The following VSIG2 variants were observed in gnomAD, a reference collection of about 807,000 sequenced individuals.
VSIG2 encodes V-set and immunoglobulin domain containing 2, also known as V-set and immunoglobulin domain-containing protein 2.
VSIG2 carries 30 observed loss-of-function variants against 29.4 expected under a neutral mutation model. The ratio of observed to expected loss-of-function variants is 1.02; its 90% CI spans 0.76 to 1.38. The LOEUF is 1.38. Ranked by LOEUF, VSIG2 falls within the 40% of genes most tolerant of loss-of-function variation. VSIG2 has a pLI of 0.00. For synonymous variants in VSIG2, 178 were observed against 174.2 expected (o/e 1.02, Z -0.17); for missense variants, 421 against 400.8 (o/e 1.05, Z -0.43).
rs1324201557 is a variant in VSIG2 at position 124,751,537 on chromosome 11, C to T, written c.105G>A (p.Thr35=). ...TCAGCTCGGCTGTCTTCCCCAGGGG[C>T]GTGCTCAGCGGCTCTGTGGGTACCT... The part of the protein sequence containing the change: ...EVKVPTEPLS[T]PLGKTAELTC... Residue 35 remains threonine, a synonymous_variant, in exon 2 of 7, where the codon ACG becomes ACA. Transcript: ENST00000326621. 1.2e-6 allele frequency: 2 copies of T among 1,610,910 alleles called. No homozygotes were observed. The highest frequency in any genetic ancestry group is 1.3e-5 in the African/African-American group (1 of 75,042).
At chr11:124,750,141 A>G (rs1240974629) in intron 3 of VSIG2, among the ~76,000 whole-genome samples, 1 of 152,218 alleles carries the variant, frequency 6.6e-6, no homozygotes, top group Non-Finnish European at 1.5e-5. Flanking sequence ...TGGGCCCACA[A>G]AGAGAAATTA....
At position 124,748,727 on chromosome 11, in the gene VSIG2, G is replaced by C; in HGVS notation, c.623C>G (p.Ser208Cys). 8.1e-6 allele frequency: 13 copies of C among 1,614,234 alleles called. No homozygotes were observed. Among genetic ancestry groups the C allele is most frequent in the Non-Finnish European group, 1.1e-5 (13 of 1,180,046 alleles). The change falls in exon 5 of 7, where the codon TCC becomes TGC. Residue 208 changes from serine to cysteine, a missense_variant. Ser to Cys is a moderately radical substitution (Grantham distance 112). Coordinates refer to ENST00000326621, the MANE Select transcript of VSIG2 (RefSeq NM_014312.5). ...GCGGTAGGTGCCCGAGGAGGTCAGG[G>C]AGAGGTTGGTGAGAATGAGCTGGCC... is the stretch of plus-strand genomic sequence containing the variant. ...VSGQLILTNLSLTSSGTYRCV... is the reference protein window; with the variant it reads ...VSGQLILTNLCLTSSGTYRCV...
chr11:124,747,505 C>A lies in VSIG2; in HGVS notation c.*30G>T. The A allele has an allele frequency of 6.3e-7, 1 of 1,587,868 alleles. No individual in the cohort carries two copies. Among genetic ancestry groups the A allele is most frequent in the African/African-American group, 1.4e-5 (1 of 73,274 alleles). ...CCACAGACTTTAATTATTGATATTC[C>A]CCCTCACCGCCCTCAGGGATCGGGA... On this transcript the variant is annotated 3_prime_UTR_variant, in exon 7 of 7. Transcript: ENST00000326621.
rs1204046147 is a variant in VSIG2 at position 124,749,930 on chromosome 11, C to T, written c.428-64G>A. The stretch of plus-strand genomic sequence containing the variant: ...CCTCAGCAATCTTCCAGCCCCACTC[C>T]CAACTCCATTAGGTGCTACATTCTC... On this transcript the variant is annotated intron_variant, in intron 3 of 6. Transcript: ENST00000326621. The T allele has an allele frequency of 4.8e-6, 7 of 1,456,898 alleles. No individual in the cohort carries two copies. In the Admixed American group the frequency reaches 1.8e-4, roughly 37 times the overall value. 90.2% of individuals were successfully genotyped at this position (1,456,898 alleles called of 1,614,324 possible). A position where few individuals can be genotyped will look rare whatever the true frequency, so the allele number is the denominator to read the frequency against.
chr11:124,751,536 G>T lies in VSIG2; in HGVS notation c.106C>A (p.Pro36Thr). 6.2e-7 allele frequency: 1 copy of T among 1,611,070 alleles called. No homozygotes were observed. The highest frequency in any genetic ancestry group is 8.5e-7 in the Non-Finnish European group (1 of 1,179,628). ...GTCAGCTCGGCTGTCTTCCCCAGGG[G>T]CGTGCTCAGCGGCTCTGTGGGTACC... ...VKVPTEPLSTPLGKTAELTCT... is the reference protein window; with the variant it reads ...VKVPTEPLSTTLGKTAELTCT... Residue 36 changes from proline (P) to threonine (T), a missense_variant, in exon 2 of 7, where the codon CCC (proline) becomes ACC (threonine). Transcript: ENST00000326621.
intron 6 of VSIG2, 55 bp from the exon 7 acceptor site, chr11:124,747,722 G>T (rs934651013): frequency 7.0e-6 from 11 of 1,568,190 alleles, no homozygotes; most frequent in African/African-American, 1.4e-5. Flanking sequence ...GCGGAGGAGG[G>T]CCGTCCTCTA....
chr11:124,747,714 G>A (rs2134449260), intron 6 of VSIG2, 47 bp from the exon 7 acceptor site: 2 of 1,587,442 alleles, frequency 1.3e-6, no homozygotes, highest in East Asian at 2.3e-5. Context: ...AGCCTCCTGC[G>A]GAGGAGGGCC....
At chr11:124,750,644 A>G in intron 3 of VSIG2, 70 bp downstream of exon 3, 3 of 1,521,910 alleles carry the variant, frequency 2.0e-6, no homozygotes, top group Middle Eastern at 2.3e-4. Flanking sequence ...CCAGAGATTT[A>G]GCAAGACCAG....
In VSIG2 at chr11:124,748,440, C is replaced by G. The variant is rs1212909875; in HGVS notation, c.801G>C (p.Gln267His). ...CCTTGGGCTTCTTCCCCCTCTCTTT[C>G]TGGAACCTGACCAGGCAGAACGCAG... ...SVAAFCLVRF[Q>H]KERGKKPKET... Residue 267 changes from glutamine (Q) to histidine (H), a missense_variant, in exon 6 of 7, where the codon CAG becomes CAC. Physicochemically the swap from Gln to His is conservative, Grantham distance 24 (BLOSUM62 0). Transcript: ENST00000326621. The G allele has an allele frequency of 6.2e-7, 1 of 1,614,146 alleles. No individual in the cohort carries two copies. The highest frequency in any genetic ancestry group is 8.5e-7 in the Non-Finnish European group (1 of 1,180,036).
Position 124,748,646 on chromosome 11 carries a change from G to A in VSIG2, c.704C>T (p.Thr235Ile), listed in dbSNP as rs560008973. ...TGGCCTCCACCCAGCATCCCTACCG[G>A]TCACAGAGAGGGTCAGCTCACAGGA... ...SASCELTLSVTEPSQGRVAGA... is the reference protein window; with the variant it reads ...SASCELTLSVIEPSQGRVAGA... The change falls in exon 5 of 7, where the codon ACC (threonine) becomes ATC (isoleucine). Residue 235 changes from threonine to isoleucine, a missense_variant and splice_region_variant. Thr to Ile is a moderately conservative substitution (Grantham distance 89). Coordinates refer to ENST00000326621, the MANE Select transcript of VSIG2 (RefSeq NM_014312.5). The A allele has an allele frequency of 5.0e-5, 81 of 1,612,726 alleles. No homozygotes were observed. The East Asian group carries it at 1.7e-3, about 34-fold the overall frequency.
In VSIG2 at chr11:124,749,882, A is replaced by AAACAAAAAAAAAAC; in HGVS notation, c.428-17_428-16insGTTTTTTTTTTGTT. The AAACAAAAAAAAAAC allele has an allele frequency of 6.6e-7, 1 of 1,514,508 alleles. No individual in the cohort carries two copies. The highest frequency in any genetic ancestry group is 2.2e-5 in the Admixed American group (1 of 45,892). The allele number at this position is 1,514,508 out of a possible 1,614,324, so 93.8% of individuals were successfully genotyped here. A position where few individuals can be genotyped will look rare whatever the true frequency, so the allele number is the denominator to read the frequency against. ...CTGGGGGGAACTGCAAAAAAAAAAAAAAAAAAAAAAAAACAGAAAGTTCCT... is the reference window on the plus strand; with the variant it reads ...CTGGGGGGAACTGCAAAAAAAAAAAAAACAAAAAAAAAACAAAAAAAAAAAAACAGAAAGTTCCT... On this transcript the variant is annotated splice_polypyrimidine_tract_variant and intron_variant, in intron 3 of 6. Transcript: ENST00000326621.
chr11:124,749,393 G>C (rs527479879), intron 4 of VSIG2, among the ~76,000 whole-genome samples: 1 of 152,104 alleles, frequency 6.6e-6, no homozygotes, highest in Non-Finnish European at 1.5e-5. Context: ...AGTGGTCCAC[G>C]ACCCTTAGGA....
intron 4 of VSIG2, 123 bp from the exon 5 acceptor site, chr11:124,748,886 G>A (rs753458637): frequency 2.9e-5 from 41 of 1,424,114 alleles, no homozygotes; most frequent in African/African-American, 4.2e-5. Context: ...TTTTTTCACT[G>A]GGGAGGAAAC....
chr11:124,749,538 G>A (rs1405826845), intron 4 of VSIG2, among the ~76,000 whole-genome samples, 170 bp downstream of exon 4: 1 of 152,174 alleles, frequency 6.6e-6, no homozygotes, highest in African/African-American at 2.4e-5. Flanking sequence ...ACAGACTGCA[G>A]AAAGACAGGC....
In VSIG2 at chr11:124,748,710, T is replaced by C. The variant is rs766884202; in HGVS notation, c.640A>G (p.Thr214Ala). 2.5e-5 allele frequency: 41 copies of C among 1,613,912 alleles called. No homozygotes were observed. The highest frequency in any genetic ancestry group is 3.4e-5 in the Non-Finnish European group (40 of 1,180,016). Residue 214 changes from threonine to alanine, a missense_variant, in exon 5 of 7, where the codon ACC becomes GCC. Physicochemically the swap from Thr to Ala is moderately conservative, Grantham distance 58. Coordinates refer to ENST00000326621, the MANE Select transcript of VSIG2 (RefSeq NM_014312.5). ...LTNLSLTSSG[T>A]YRCVATNQMG... ...TGGTTGGTGGCCACACAGCGGTAGG[T>C]GCCCGAGGAGGTCAGGGAGAGGTTG...
intron 4 of VSIG2, among the ~76,000 whole-genome samples, chr11:124,749,050 CG>C (rs577538623): frequency 1.2e-3 from 177 of 152,168 alleles, no homozygotes; most frequent in African/African-American, 3.9e-3. Context: ...GCAATGGAGT[CG>C]GGGTGGGGTG....
At position 124,752,165 on chromosome 11, in the gene VSIG2, C is replaced by T. The variant is rs191807061; in HGVS notation, c.-28G>A. 1.4e-5 allele frequency: 22 copies of T among 1,547,552 alleles called. No homozygotes were observed. The East Asian group carries it at 5.2e-4, about 36-fold the overall frequency. On this transcript the variant is annotated 5_prime_UTR_variant, in exon 1 of 7. Coordinates refer to ENST00000326621, the MANE Select transcript of VSIG2 (RefSeq NM_014312.5). ...CCGCGTCCGGCCGTCCTGTCCTGCT[C>T]CTGCCAGGTGGGCGGTCAAGGTCGG... is the stretch of plus-strand genomic sequence containing the variant.
chr11:124,749,869 G>GAAAAAA lies in VSIG2; in HGVS notation c.428-4_428-3insTTTTTT. 1.8e-6 allele frequency: 1 copy of GAAAAAA among 559,100 alleles called. No individual in the cohort carries two copies. The highest frequency in any genetic ancestry group is 2.2e-6 in the Non-Finnish European group (1 of 448,850). The allele number at this position is 559,100 out of a possible 1,614,324, so 34.6% of individuals were successfully genotyped here. A position where few individuals can be genotyped will look rare whatever the true frequency, so the allele number is the denominator to read the frequency against. ...GCATAAGGGATTACTGGGGGGAACT[G>GAAAAAA]CAAAAAAAAAAAAAAAAAAAAAAAA... is the stretch of plus-strand genomic sequence containing the variant. On this transcript the variant is annotated splice_polypyrimidine_tract_variant and splice_region_variant and intron_variant, in intron 3 of 6. Coordinates refer to ENST00000326621, the MANE Select transcript of VSIG2 (RefSeq NM_014312.5).
intron 4 of VSIG2, 70 bp downstream of exon 4, chr11:124,749,638 G>A (rs1213509551): frequency 6.4e-7 from 1 of 1,563,126 alleles, no homozygotes; most frequent in African/African-American, 1.4e-5. Context: ...GATAATACGG[G>A]TGTGTGGGAT....
Sources: gnomAD v4.1 joint callset for allele counts (sites outside exome capture counted in the v4.1 genomes callset) on GRCh38, gnomAD v4.1.1 for gene constraint, MANE v1.5 for transcripts, NCBI Gene and HGNC (gene_info 2026-07-23, HGNC 2026-07-21) for gene names.